Variants in ARHGEF1 observed in about 807,000 individuals in gnomAD.
The protein encoded by ARHGEF1 is 115 kDa guanine nucleotide exchange factor.
ARHGEF1 carries 40 observed loss-of-function variants against 119.7 expected under a neutral mutation model. That is an observed-to-expected ratio of 0.33 (90% CI 0.26 to 0.44). The LOEUF (loss-of-function observed/expected upper bound fraction) is 0.44, where lower values mean the gene tolerates loss of function less well. ARHGEF1 is among the 20% of genes least tolerant of loss of function. ARHGEF1 has a pLI of 1.00. For synonymous variants in ARHGEF1, 494 were observed against 521.0 expected, an observed-to-expected ratio of 0.95 and a Z score of 0.71; for missense variants, 976 against 1,268.3, an observed-to-expected ratio of 0.77 and a Z score of 3.50.
In ARHGEF1 at chr19:41,895,372, C is replaced by A. The variant is rs147318287; in HGVS notation, c.901C>A (p.Arg301=). 9 of 1,611,946 alleles carry A rather than the reference C, an allele frequency of 5.6e-6. No homozygotes were observed. The highest frequency in any genetic ancestry group is 5.9e-6 in the Non-Finnish European group (7 of 1,179,168). ...VDAEKPGATD[R]KGGVGMPSRD... Reference sequence around the variant, plus strand: ...AGCCGAGAAGCCAGGTGCTACAGACCGGAAGGGAGGCGTGGGGATGCCCTC... The same window carrying A: ...AGCCGAGAAGCCAGGTGCTACAGACAGGAAGGGAGGCGTGGGGATGCCCTC... The change falls in exon 12 of 29, where the codon CGG becomes AGG. Residue 301 remains arginine, a synonymous_variant. Coordinates refer to ENST00000354532, the MANE Select transcript of ARHGEF1 (RefSeq NM_004706.4).
intron 13 of ARHGEF1, chr19:41,898,230 G>A: frequency 7.5e-7 from 1 of 1,342,256 alleles, no homozygotes; most frequent in Non-Finnish European, 9.8e-7. Context: ...GAGGCCAACT[G>A]TGGTCACAGA....
intron 1 of ARHGEF1, chr19:41,884,644 C>A: frequency 1.8e-6 from 2 of 1,088,224 alleles, no homozygotes; most frequent in Non-Finnish European, 2.6e-6. Flanking sequence ...TCGTGTAGAC[C>A]CGCCTCATTC....
At chr19:41,926,564 T>C (rs1338259497) in intron 1 of ARHGEF1, among the ~76,000 whole-genome samples, 5 of 152,134 alleles carry the variant, frequency 3.3e-5, no homozygotes, top group African/African-American at 9.7e-5. Context: ...CAGTTCTGGC[T>C]CTCGGGTCCC....
At position 41,905,473 on chromosome 19, in the gene ARHGEF1, C is replaced by A; in HGVS notation, c.2336+212C>A. The A allele has an allele frequency of 1.6e-6, 1 of 614,054 alleles. No individual in the cohort carries two copies. The highest frequency in any genetic ancestry group is 2.9e-6 in the Non-Finnish European group (1 of 349,452). 38.0% of individuals were successfully genotyped at this position (614,054 alleles called of 1,614,324 possible). The stretch of plus-strand genomic sequence containing the variant: ...GCATGTGTGCGTGTGCATGTGTGTG[C>A]GTGTATGGTGTGTGTGTATGCATAT... On this transcript the variant is annotated intron_variant, in intron 24 of 28. Coordinates refer to ENST00000354532, the MANE Select transcript of ARHGEF1 (RefSeq NM_004706.4). This position sits in a 1 kb window ranked among gnomAD's most constrained non-coding sequence, Gnocchi z 6.4.
Position 41,905,451 on chromosome 19 carries a change from T to C in ARHGEF1, c.2336+190T>C. On this transcript the variant is annotated intron_variant, in intron 24 of 28. Coordinates refer to ENST00000354532, the MANE Select transcript of ARHGEF1 (RefSeq NM_004706.4). The surrounding 1 kb of genome is among the most constrained non-coding windows in gnomAD (Gnocchi z 6.4). ...CATATATAGTGTGTGTATGCATGCA[T>C]GTGTGCGTGTGCATGTGTGTGCGTG... is the stretch of plus-strand genomic sequence containing the variant. 1.6e-6 allele frequency: 1 copy of C among 622,408 alleles called. No individual in the cohort carries two copies. The highest frequency in any genetic ancestry group is 2.8e-6 in the Non-Finnish European group (1 of 356,202). 38.6% of individuals were successfully genotyped at this position (622,408 alleles called of 1,614,324 possible).
upstream of ARHGEF1, among the ~76,000 whole-genome samples, chr19:41,920,568 TCA>T (rs1168604004): frequency 1.3e-5 from 2 of 150,148 alleles, no homozygotes; most frequent in Non-Finnish European, 2.9e-5. Flanking sequence ...TGTTACGCAC[TCA>T]CAGACGTGAT....
chr19:41,907,518 CGTTG>C (rs1568827867), downstream of ARHGEF1: 1 of 1,007,752 alleles, frequency 9.9e-7, no homozygotes, highest in African/African-American at 1.6e-5. Flanking sequence ...GACTGTCTGG[CGTTG>C]ACATCCTGGG....
Position 41,906,880 on chromosome 19 carries a change from C to G in ARHGEF1, c.*17+77C>G, listed in dbSNP as rs539164599. ...TCCAGAGCTCGCATCCCTACAGCCC[C>G]TTCTGTCCATCTCCCTCTTTGTCTT... On this transcript the variant is annotated intron_variant, in intron 28 of 28. Transcript: ENST00000354532. This position sits in a 1 kb window ranked among gnomAD's most constrained non-coding sequence, Gnocchi z 4.5. The G allele has an allele frequency of 8.5e-7, 1 of 1,171,794 alleles. No homozygotes were observed. Among genetic ancestry groups the G allele is most frequent in the East Asian group, 2.6e-5 (1 of 38,770 alleles). 72.6% of individuals were successfully genotyped at this position (1,171,794 alleles called of 1,614,324 possible). A position where few individuals can be genotyped will look rare whatever the true frequency, so the allele number is the denominator to read the frequency against.
At position 41,896,787 on chromosome 19, in the gene ARHGEF1, TC is replaced by T. The variant is rs1555847761; in HGVS notation, c.1121+310del. The stretch of plus-strand genomic sequence containing the variant: ...CACCACTCCTTCCATCTCCTTTATT[TC>T]CCCCTCCTCTCTCACCTCCCCTCTC... On this transcript the variant is annotated intron_variant, in intron 13 of 28. Transcript: ENST00000354532. The T allele has an allele frequency of 2.7e-3, 1,198 of 443,744 alleles. 32 individuals carry two copies. The African/African-American group carries it at 0.05, about 19-fold the overall frequency. 27.5% of individuals were successfully genotyped at this position (443,744 alleles called of 1,614,324 possible). A position where few individuals can be genotyped will look rare whatever the true frequency, so the allele number is the denominator to read the frequency against.
chr19:41,930,101 T>C (rs2074895753), exon 3 of ARHGEF1: 1 of 152,268 alleles, frequency 6.6e-6, no homozygotes, highest in African/African-American at 2.4e-5. Context: ...AGCTTGCTGC[T>C]TCCGAATAAT....
In ARHGEF1 at chr19:41,901,873, T is replaced by C. The variant is rs2074610163; in HGVS notation, c.1268-14T>C. Reference sequence around the variant, plus strand: ...ACCCTCCCCAACATGCTTCCTGCTTTGGTGGCCCTGCAGAGCTGCTGGTGA... The same window carrying C: ...ACCCTCCCCAACATGCTTCCTGCTTCGGTGGCCCTGCAGAGCTGCTGGTGA... On this transcript the variant is annotated splice_polypyrimidine_tract_variant and intron_variant, in intron 14 of 28. Coordinates refer to ENST00000354532, the MANE Select transcript of ARHGEF1 (RefSeq NM_004706.4). 6.2e-7 allele frequency: 1 copy of C among 1,606,578 alleles called. No homozygotes were observed. The highest frequency in any genetic ancestry group is 1.3e-5 in the African/African-American group (1 of 74,902).
At chr19:41,887,225 A>G (rs372402190) in intron 1 of ARHGEF1, among the ~76,000 whole-genome samples, 1 of 151,984 alleles carries the variant, frequency 6.6e-6, no homozygotes, top group African/African-American at 2.4e-5. Context: ...GATGGTGGGG[A>G]AAATGAGACA....
In ARHGEF1 at chr19:41,888,691, G is replaced by T. The variant is rs961004113; in HGVS notation, c.112-61G>T. 6.7e-6 allele frequency: 10 copies of T among 1,501,994 alleles called. No homozygotes were observed. Among genetic ancestry groups the T allele is most frequent in the Non-Finnish European group, 7.4e-6 (8 of 1,082,288 alleles). 93.0% of individuals were successfully genotyped at this position (1,501,994 alleles called of 1,614,324 possible). On this transcript the variant is annotated intron_variant, in intron 3 of 28. Transcript: ENST00000354532. The surrounding 1 kb of genome is among the most constrained non-coding windows in gnomAD (Gnocchi z 5.1). ...CCTTGTGAAGTGCCAGGAATGGGTA[G>T]GGTCAACCCTAAGGCCCCTCCTCTT...
chr19:41,904,172 G>A lies in ARHGEF1; in HGVS notation c.1994-44G>A. The A allele has an allele frequency of 6.2e-7, 1 of 1,612,670 alleles. No individual in the cohort carries two copies. Among genetic ancestry groups the A allele is most frequent in the East Asian group, 2.2e-5 (1 of 44,824 alleles). On this transcript the variant is annotated intron_variant, in intron 21 of 28. Coordinates refer to ENST00000354532, the MANE Select transcript of ARHGEF1 (RefSeq NM_004706.4). This position sits in a 1 kb window ranked among gnomAD's most constrained non-coding sequence, Gnocchi z 8.4. ...GGGCAGTGAGCCAAGGGCGGGGAGG[G>A]GGTCGCGCGGGGGCACGCCGTGTGA...
At chr19:41,920,299 G>A (rs528952380), upstream of ARHGEF1, among the ~76,000 whole-genome samples, 16 of 130,536 alleles carry the variant, frequency 1.2e-4, no homozygotes, top group South Asian at 2.9e-3. Context: ...ACAGACATGC[G>A]CTCACAGACA....
chr19:41,919,396 A>T (rs1448409201), upstream of ARHGEF1, among the ~76,000 whole-genome samples: 1 of 152,176 alleles, frequency 6.6e-6, no homozygotes, highest in Non-Finnish European at 1.5e-5. Context: ...ATACACAAAC[A>T]GTCATCAGTG....
At chr19:41,884,290 G>T (rs556015637) in intron 1 of ARHGEF1, 1 of 860,982 alleles carries the variant, frequency 1.2e-6, no homozygotes, top group Admixed American at 2.6e-5. Context: ...GCGCTAGAGC[G>T]GCCGGCGGGA....
At chr19:41,910,577 C>T (rs2074746262), downstream of ARHGEF1, among the ~76,000 whole-genome samples, 1 of 152,168 alleles carries the variant, frequency 6.6e-6, no homozygotes, top group South Asian at 2.1e-4. The surrounding 1 kb of genome is among the most constrained non-coding windows in gnomAD (Gnocchi z 4.4). Context: ...TCCCCAGAGC[C>T]CCCCACTGAC....
downstream of ARHGEF1, chr19:41,909,461 T>A: frequency 8.1e-7 from 1 of 1,241,690 alleles, no homozygotes; most frequent in Non-Finnish European, 1.0e-6. The surrounding 1 kb of genome is among the most constrained non-coding windows in gnomAD (Gnocchi z 5.2). Flanking sequence ...ATCCGCTTGT[T>A]GTAGTAGTAA....
Sources: allele counts gnomAD v4.1 joint callset (sites outside exome capture counted in the v4.1 genomes callset), GRCh38; gene constraint gnomAD v4.1.1; non-coding constraint Gnocchi (gnomAD v3.1); transcripts MANE v1.5; gene names NCBI Gene and HGNC (gene_info 2026-07-23, HGNC 2026-07-21).